The following DIP2C variants were observed in gnomAD, a reference collection of about 807,000 sequenced individuals.
The protein encoded by DIP2C is DIP2 acetate--CoA ligase C (putative), also known as disco-interacting protein 2 homolog C.
Under a neutral mutation model 192.4 loss-of-function variants are expected in DIP2C, and 33 were observed. The ratio of observed to expected loss-of-function variants is 0.17; its 90% confidence interval spans 0.13 to 0.23. The LOEUF is 0.23. Ranked by LOEUF, DIP2C falls within the 10% of genes least tolerant of loss-of-function variation. DIP2C has a pLI of 1.00. For missense variants in DIP2C, 1,537 were observed against 2,110.1 expected, an observed-to-expected ratio of 0.73 and a Z score of 5.32; for synonymous variants, 979 against 864.1, an observed-to-expected ratio of 1.13 and a Z score of -2.33.
At chr10:588,508 A>G (rs1422562862) in intron 1 of DIP2C, among the ~76,000 whole-genome samples, 3 of 152,240 alleles carry the variant, frequency 2.0e-5, no homozygotes, top group Non-Finnish European at 2.9e-5. Context: ...ACCGAATCTG[A>G]GGTCGCAGCT....
intron 4 of DIP2C, among the ~76,000 whole-genome samples, chr10:424,582 T>A (rs1281862165): frequency 6.6e-6 from 1 of 152,120 alleles, no homozygotes; most frequent in Non-Finnish European, 1.5e-5. Context: ...GCCAGGCTGG[T>A]CTCGAACTCC....
rs75046544 is a variant in DIP2C at position 488,382 on chromosome 10, A to C, written c.86-1852T>G. 3.0e-3 allele frequency among the ~76,000 whole-genome samples: 453 copies of C among 152,308 alleles called. 2 individuals are homozygous for C. The highest frequency in any genetic ancestry group is 0.01 in the African/African-American group (429 of 41,560). On this transcript the variant is annotated intron_variant, in intron 1 of 36. Coordinates refer to ENST00000280886, the MANE Select transcript of DIP2C (RefSeq NM_014974.3). ...TTTGCTGGCCCATCCCCAAAGATGA[A>C]AGTGTTTAATCCTTATAAGAACTTA...
intron 15 of DIP2C, among the ~76,000 whole-genome samples, 176 bp downstream of exon 15, chr10:384,370 T>C (rs1962680386): frequency 7.2e-6 from 1 of 139,238 alleles, no homozygotes; most frequent in African/African-American, 2.6e-5. Flanking sequence ...CCCGAGTAGC[T>C]GGGATTATAG....
At chr10:600,566 T>C (rs945535448) in intron 1 of DIP2C, among the ~76,000 whole-genome samples, 3 of 152,104 alleles carry the variant, frequency 2.0e-5, no homozygotes, top group African/African-American at 4.8e-5. Context: ...GGTGTGCGGA[T>C]GCTCCCGTGC....
chr10:612,762 G>A (rs1264365324), intron 1 of DIP2C, among the ~76,000 whole-genome samples: 1 of 152,154 alleles, frequency 6.6e-6, no homozygotes, highest in African/African-American at 2.4e-5. Context: ...TTACACACAT[G>A]TTCATTGCTT....
chr10:389,778 C>T (rs1304791211), intron 13 of DIP2C, among the ~76,000 whole-genome samples: 4 of 152,256 alleles, frequency 2.6e-5, no homozygotes, highest in Admixed American at 6.5e-5. Context: ...CCGCGCTGTG[C>T]GGACATAAAT....
At chr10:640,071 C>G (rs1855086019) in intron 1 of DIP2C, among the ~76,000 whole-genome samples, 1 of 152,130 alleles carries the variant, frequency 6.6e-6, no homozygotes, top group Non-Finnish European at 1.5e-5. Context: ...GTGCATGTCC[C>G]TCCACGCATC....
chr10:639,980 G>A (rs1426385233), intron 1 of DIP2C, among the ~76,000 whole-genome samples: 2 of 151,106 alleles, frequency 1.3e-5, no homozygotes, highest in Non-Finnish European at 2.9e-5. Context: ...TCCCACACCC[G>A]CCACGCCTGT....
chr10:637,572 T>A (rs1854909075), intron 1 of DIP2C, among the ~76,000 whole-genome samples: 2 of 152,294 alleles, frequency 1.3e-5, no homozygotes, highest in South Asian at 4.2e-4. Context: ...ACAAATCCCA[T>A]TTATGAGACC....
chr10:551,360 G>A (rs1217713401), intron 1 of DIP2C, among the ~76,000 whole-genome samples: 1 of 152,224 alleles, frequency 6.6e-6, no homozygotes, highest in African/African-American at 2.4e-5. Context: ...AGGGCTTGGA[G>A]TTCCAAAGGC....
chr10:667,937 C>T (rs1390506963), intron 1 of DIP2C: 2 of 152,110 alleles, frequency 1.3e-5, no homozygotes, highest in African/African-American at 2.4e-5. Context: ...TTCAACACGA[C>T]ATACACGTAC....
intron 31 of DIP2C, among the ~76,000 whole-genome samples, chr10:320,874 G>C (rs1039935846): frequency 1.3e-5 from 2 of 152,170 alleles, no homozygotes; most frequent in East Asian, 1.9e-4. Flanking sequence ...GAAGGAGGAG[G>C]AACAAAGTAC....
chr10:313,923 A>G (rs943994923), intron 31 of DIP2C, among the ~76,000 whole-genome samples: 3 of 152,232 alleles, frequency 2.0e-5, no homozygotes, highest in East Asian at 1.9e-4. Context: ...CAATTCACAC[A>G]CCATAATATT....
intron 4 of DIP2C, among the ~76,000 whole-genome samples, chr10:426,348 A>G (rs576443653): frequency 2.0e-5 from 3 of 152,372 alleles, no homozygotes; most frequent in African/African-American, 7.2e-5. Flanking sequence ...GGAGATCCAA[A>G]TAAATGGAAA....
At chr10:514,363 GCACT>G (rs1360438397) in intron 1 of DIP2C, among the ~76,000 whole-genome samples, 1 of 152,162 alleles carries the variant, frequency 6.6e-6, no homozygotes, top group East Asian at 1.9e-4. Flanking sequence ...CAGTTCGACG[GCACT>G]CAGTCACAAC....
At chr10:417,416 G>A (rs980588461) in intron 6 of DIP2C, among the ~76,000 whole-genome samples, 1 of 138,310 alleles carries the variant, frequency 7.2e-6, no homozygotes, top group African/African-American at 2.7e-5. Context: ...TAACAAAAAT[G>A]GCCAATTTAG....
intron 2 of DIP2C, among the ~76,000 whole-genome samples, chr10:483,818 A>AGAG (rs1843799267): frequency 1.3e-5 from 2 of 150,882 alleles, no homozygotes; most frequent in South Asian, 4.2e-4. Context: ...ACTTCATTTT[A>AGAG]CCAATTTTTT....
intron 1 of DIP2C, among the ~76,000 whole-genome samples, chr10:617,527 C>T (rs1853550760): frequency 6.6e-6 from 1 of 152,160 alleles, no homozygotes; most frequent in South Asian, 2.1e-4. Context: ...GGGCCAACTC[C>T]CAACAGTAGC....
intron 1 of DIP2C, among the ~76,000 whole-genome samples, chr10:489,196 A>AT (rs1452712075): frequency 6.6e-6 from 1 of 152,148 alleles, no homozygotes; most frequent in African/African-American, 2.4e-5. Context: ...AAGTCCAGTT[A>AT]TTTTTAACTC....
Sources: allele counts gnomAD v4.1 joint callset (sites outside exome capture counted in the v4.1 genomes callset), GRCh38; gene constraint gnomAD v4.1.1; transcripts MANE v1.5; gene names NCBI Gene and HGNC (gene_info 2026-07-23, HGNC 2026-07-21).